The following TENM4 variants were observed in gnomAD, a reference collection of about 807,000 sequenced individuals.
The protein encoded by TENM4 is teneurin-4.
TENM4 carries 82 observed loss-of-function variants against 243.3 expected under a neutral mutation model. The observed-to-expected ratio is 0.34, with a 90% confidence interval of 0.28 to 0.40. The LOEUF (loss-of-function observed/expected upper bound fraction) is 0.40. TENM4 is among the 10% of genes least tolerant of loss of function. The pLI is 1.00. For missense variants in TENM4, 3,138 were observed against 3,673.3 expected (o/e 0.85, Z 3.77); for synonymous variants, 1,412 against 1,456.3 (o/e 0.97, Z 0.69).
intron 2 of TENM4, among the ~76,000 whole-genome samples, chr11:79,230,589 T>A (rs1864355986): frequency 6.6e-6 from 1 of 152,180 alleles, no homozygotes; most frequent in South Asian, 2.1e-4. Context: ...GAAATAACAT[T>A]AATACTTACA....
chr11:78,918,882 A>G (rs1856382418), intron 6 of TENM4, among the ~76,000 whole-genome samples: 1 of 152,216 alleles, frequency 6.6e-6, no homozygotes, highest in South Asian at 2.1e-4. Flanking sequence ...AGAGAGGACA[A>G]GTGCTTCAGA....
chr11:78,927,849 TTCTC>T (rs56853062), intron 6 of TENM4, among the ~76,000 whole-genome samples: 30 of 149,394 alleles, frequency 2.0e-4, no homozygotes, highest in Middle Eastern at 3.5e-3. Flanking sequence ...AAGCATCCTG[TTCTC>T]TCTCTCTCTC....
At chr11:79,213,024 C>T (rs1243588643) in intron 3 of TENM4, among the ~76,000 whole-genome samples, 1 of 152,162 alleles carries the variant, frequency 6.6e-6, no homozygotes, top group Admixed American at 6.5e-5. Context: ...CAATGAGGAG[C>T]TATTCTTGCC....
Position 78,671,968 on chromosome 11 carries a change from G to A in TENM4, c.5793+65C>T, listed in dbSNP as rs1341930496. ...CAGCCCACTGAGGCCACCAGGCTGG[G>A]CTTGGCCGTGAATGATTGGCCTTCT... On this transcript the variant is annotated intron_variant, in intron 31 of 33. Transcript: ENST00000278550. 7.2e-6 allele frequency: 11 copies of A among 1,537,682 alleles called. No individual in the cohort carries two copies. The Admixed American group carries it at 2.1e-4, about 29-fold the overall frequency.
At chr11:79,309,063 A>C (rs1274879124) in intron 1 of TENM4, among the ~76,000 whole-genome samples, 1 of 151,950 alleles carries the variant, frequency 6.6e-6, no homozygotes, top group Non-Finnish European at 1.5e-5. Flanking sequence ...ACTATGGTAA[A>C]CTCTAGAACT....
chr11:78,905,446 A>T (rs1328506816), intron 6 of TENM4, among the ~76,000 whole-genome samples: 1 of 152,192 alleles, frequency 6.6e-6, no homozygotes, highest in Non-Finnish European at 1.5e-5. Context: ...AACCCCTCTA[A>T]GTGGATCACT....
At chr11:79,044,975 A>G (rs1859623735) in intron 6 of TENM4, among the ~76,000 whole-genome samples, 1 of 152,102 alleles carries the variant, frequency 6.6e-6, no homozygotes, top group Admixed American at 6.5e-5. Flanking sequence ...TAACCATTTA[A>G]AAGCATGTAA....
chr11:78,964,975 C>T (rs946042889), intron 6 of TENM4, among the ~76,000 whole-genome samples: 1 of 152,140 alleles, frequency 6.6e-6, no homozygotes. Flanking sequence ...TCAAGAGATT[C>T]TCCTGCCTCA....
chr11:79,439,670 C>A (rs1859357258), intron 1 of TENM4, among the ~76,000 whole-genome samples: 1 of 150,562 alleles, frequency 6.6e-6, no homozygotes, highest in African/African-American at 2.4e-5. Flanking sequence ...TGTCCACACA[C>A]ACACACACAC....
At chr11:78,989,650 T>C (rs1216256192) in intron 6 of TENM4, among the ~76,000 whole-genome samples, 4 of 152,192 alleles carry the variant, frequency 2.6e-5, no homozygotes, top group African/African-American at 9.6e-5. Context: ...CGCTAACTCA[T>C]GGGGGTTTTT....
chr11:78,954,671 C>T (rs1361459935), intron 6 of TENM4, among the ~76,000 whole-genome samples: 2 of 152,180 alleles, frequency 1.3e-5, no homozygotes, highest in African/African-American at 4.8e-5. Context: ...AAGTCATACA[C>T]TTGCCATATG....
intron 1 of TENM4, among the ~76,000 whole-genome samples, chr11:79,318,394 G>A (rs1000744086): frequency 6.6e-6 from 1 of 152,084 alleles, no homozygotes; most frequent in Non-Finnish European, 1.5e-5. Context: ...GTCCAAAAAC[G>A]AAACAGCCAA....
At chr11:78,750,385 T>C (rs1856160835) in intron 19 of TENM4, among the ~76,000 whole-genome samples, 2 of 152,372 alleles carry the variant, frequency 1.3e-5, no homozygotes, top group Middle Eastern at 3.4e-3. Flanking sequence ...TGCAATTTGA[T>C]AAATGATGCT....
chr11:79,280,065 C>A (rs1565281062), intron 2 of TENM4, among the ~76,000 whole-genome samples: 2 of 152,184 alleles, frequency 1.3e-5, no homozygotes, highest in Admixed American at 1.3e-4. Context: ...AAGCAGAGAC[C>A]AAGCCCTCAC....
intron 4 of TENM4, chr11:79,097,705 C>T (rs1432354193): frequency 6.6e-6 from 1 of 151,990 alleles, no homozygotes. Context: ...GTGCCATTTC[C>T]AGGATGTTAC....
chr11:79,306,607 G>A (rs767486349), intron 1 of TENM4, among the ~76,000 whole-genome samples: 43 of 152,138 alleles, frequency 2.8e-4, no homozygotes, highest in Non-Finnish European at 5.7e-4. Context: ...CACATAAGGA[G>A]CAAGACAGTA....
intron 6 of TENM4, among the ~76,000 whole-genome samples, chr11:78,906,422 T>G (rs958843768): frequency 6.6e-6 from 1 of 152,190 alleles, no homozygotes; most frequent in African/African-American, 2.4e-5. Context: ...ATCTGATGTC[T>G]GAGGCAGGCA....
chr11:79,065,459 AG>A, intron 5 of TENM4, among the ~76,000 whole-genome samples: 3 of 152,314 alleles, frequency 2.0e-5, no homozygotes, highest in Admixed American at 2.0e-4. Flanking sequence ...AGTACTCAGA[AG>A]GGGCTCAATA....
chr11:79,147,001 A>G (rs1206393142), intron 4 of TENM4, among the ~76,000 whole-genome samples: 1 of 152,150 alleles, frequency 6.6e-6, no homozygotes, highest in African/African-American at 2.4e-5. Flanking sequence ...GCATGCACAC[A>G]CATGCATAGA....
Sources: gnomAD v4.1 joint callset for allele counts (sites outside exome capture counted in the v4.1 genomes callset) on GRCh38, gnomAD v4.1.1 for gene constraint, MANE v1.5 for transcripts, NCBI Gene and HGNC (gene_info 2026-07-23, HGNC 2026-07-21) for gene names.